The following TMEM94 variants were observed in gnomAD, a reference collection of about 807,000 sequenced individuals.
TMEM94 encodes transmembrane protein 94, also known as ER Mg2+ ATPase.
A neutral mutation model predicts 158.6 loss-of-function variants in TMEM94; 81 were observed. That is an observed-to-expected ratio of 0.51 (90% CI 0.43 to 0.61). The LOEUF is 0.61. Among genes scored for constraint, TMEM94 ranks in the 20% least tolerant of loss-of-function variants. The pLI is 0.00. For missense variants in TMEM94, 1,435 were observed against 1,762.0 expected (o/e 0.81, Z 3.32); for synonymous variants, 751 against 730.7 (o/e 1.03, Z -0.45).
Position 75,490,725 on chromosome 17 carries a change from T to G in TMEM94, c.1095T>G (p.Thr365=). ...SSLLAKFSED[T]LSSYTEAVSS... ...AGCTGGCTAAGTTCTCAGAGGATAC[T>G]CTCAGCAGCTATACGGAGGCTGTCT... The change falls in exon 11 of 32, where the codon ACT becomes ACG. Residue 365 remains threonine (T), a synonymous_variant. Transcript: ENST00000314256. 1 of 1,614,136 alleles carries G rather than the reference T, an allele frequency of 6.2e-7. No individual in the cohort carries two copies. Among genetic ancestry groups the G allele is most frequent in the South Asian group, 1.1e-5 (1 of 91,082 alleles).
chr17:75,485,622 C>T lies in TMEM94; in HGVS notation c.144+75C>T. The T allele has an allele frequency of 3.2e-6, 5 of 1,585,208 alleles. No homozygotes were observed. Among genetic ancestry groups the T allele is most frequent in the South Asian group, 2.2e-5 (2 of 89,126 alleles). ...GTGTGGGAGGCCCCTTCTCAGGACT[C>T]TGATGTACCCTGTCACCCTGGACAG... On this transcript the variant is annotated intron_variant, in intron 3 of 31. Coordinates refer to ENST00000314256, the MANE Select transcript of TMEM94 (RefSeq NM_014738.6). This position sits in a 1 kb window ranked among gnomAD's most constrained non-coding sequence, Gnocchi z 5.5.
chr17:75,498,024 C>A lies in TMEM94; in HGVS notation c.3490-151C>A. On this transcript the variant is annotated intron_variant, in intron 27 of 31. Transcript: ENST00000314256. This position sits in a 1 kb window ranked among gnomAD's most constrained non-coding sequence, Gnocchi z 6.7. ...CCCCAGATCAAAGAGGAGGTAGTGGCACAGAGCTGGGAAAGACCCTTGCTG... is the reference window on the plus strand; with the variant it reads ...CCCCAGATCAAAGAGGAGGTAGTGGAACAGAGCTGGGAAAGACCCTTGCTG... 8.4e-7 allele frequency: 1 copy of A among 1,190,836 alleles called. No individual in the cohort carries two copies. Among genetic ancestry groups the A allele is most frequent in the Non-Finnish European group, 1.2e-6 (1 of 838,972 alleles). The allele number at this position is 1,190,836 out of a possible 1,614,324, so 73.8% of individuals were successfully genotyped here.
intron 1 of TMEM94, among the ~76,000 whole-genome samples, chr17:75,463,140 A>ATATATG (rs1567905169): frequency 3.3e-4 from 22 of 66,450 alleles, no homozygotes; most frequent in African/African-American, 2.5e-3. Context: ...GTATATATGT[A>ATATATG]TATATATACA....
intron 1 of TMEM94, among the ~76,000 whole-genome samples, chr17:75,462,752 G>A (rs985291127): frequency 1.5e-4 from 22 of 149,226 alleles, no homozygotes; most frequent in Non-Finnish European, 2.7e-4. Context: ...CACTTTGGGA[G>A]GCTGAGGTGG....
chr17:75,498,240 C>A lies in TMEM94; in HGVS notation c.3555C>A (p.Ile1185=). Residue 1185 remains isoleucine (I), a synonymous_variant, in exon 28 of 32, where the codon ATC becomes ATA. Coordinates refer to ENST00000314256, the MANE Select transcript of TMEM94 (RefSeq NM_014738.6). The surrounding 1 kb of genome is among the most constrained non-coding windows in gnomAD (Gnocchi z 6.7). ...GCCTCACCATCAGCTCCTGCCTCAT[C>A]TGCTTTGGCTTCACACTGCAGAGCT... ...KFSLTISSCL[I]CFGFTLQSFC... 1 of 1,613,918 alleles carries A rather than the reference C, an allele frequency of 6.2e-7. No individual in the cohort carries two copies. The highest frequency in any genetic ancestry group is 8.5e-7 in the Non-Finnish European group (1 of 1,180,026).
At chr17:75,462,514 G>A (rs1400279494) in intron 1 of TMEM94, among the ~76,000 whole-genome samples, 1 of 151,316 alleles carries the variant, frequency 6.6e-6, no homozygotes. Flanking sequence ...GGAGCTCATT[G>A]CTTCACAGGG....
At position 75,489,415 on chromosome 17, in the gene TMEM94, G is replaced by T. The variant is rs186033612; in HGVS notation, c.867+47G>T. On this transcript the variant is annotated intron_variant, in intron 8 of 31. Coordinates refer to ENST00000314256, the MANE Select transcript of TMEM94 (RefSeq NM_014738.6). This position sits in a 1 kb window ranked among gnomAD's most constrained non-coding sequence, Gnocchi z 5.0. ...GGGGCTGCATGGGGCAGAGGAGAGG[G>T]CTGGACACGGGGGGGTCTCAGGGCC... The T allele has an allele frequency of 5.7e-4, 894 of 1,580,886 alleles. 9 individuals carry two copies. The African/African-American group carries it at 0.011, about 19-fold the overall frequency.
intron 1 of TMEM94, among the ~76,000 whole-genome samples, chr17:75,458,597 C>T (rs901695195): frequency 6.7e-6 from 1 of 149,300 alleles, no homozygotes; most frequent in Admixed American, 6.7e-5. Context: ...AGGTGGATGC[C>T]AGAGGATCGC....
Position 75,493,703 on chromosome 17 carries a change from A to T in TMEM94, c.2194A>T (p.Lys732Ter), listed in dbSNP as rs779257205. 1.4e-5 allele frequency: 22 copies of T among 1,613,870 alleles called. No individual in the cohort carries two copies. Among genetic ancestry groups the T allele is most frequent in the South Asian group, 5.5e-5 (5 of 91,090 alleles). Reference sequence around the variant, plus strand: ...CTCCGCCTGCTTCCCTGGCAGAAAGAAAGTGCTGGACTTCTACCAGCGAGC... The same window carrying T: ...CTCCGCCTGCTTCCCTGGCAGAAAGTAAGTGCTGGACTTCTACCAGCGAGC... ...IYPLSGSDRKKVLDFYQRACL... is the reference protein window; with the variant it reads ...IYPLSGSDRK The change falls in exon 18 of 32, where the codon AAA (lysine) becomes TAA (stop). Residue 732 changes from lysine to a stop codon, truncating the protein, a stop_gained. Coordinates refer to ENST00000314256, the MANE Select transcript of TMEM94 (RefSeq NM_014738.6). LOFTEE classifies it high-confidence loss of function.
chr17:75,497,658 GT>G, intron 26 of TMEM94, 122 bp from the exon 27 acceptor site: 2 of 728,308 alleles, frequency 2.7e-6, no homozygotes, highest in South Asian at 3.3e-5. Context: ...TCCAGCCTTT[GT>G]TTTATTCCAT....
At chr17:75,473,332 C>T (rs1340170443) in intron 2 of TMEM94, among the ~76,000 whole-genome samples, 1 of 152,204 alleles carries the variant, frequency 6.6e-6, no homozygotes, top group African/African-American at 2.4e-5. Context: ...AGAGGGAAAG[C>T]TACACTTGCC....
chr17:75,482,274 A>C (rs2051220694), intron 2 of TMEM94, among the ~76,000 whole-genome samples: 1 of 151,806 alleles, frequency 6.6e-6, no homozygotes, highest in Non-Finnish European at 1.5e-5. Flanking sequence ...TGAACCCAGG[A>C]GGCAGAAGTT....
At position 75,499,277 on chromosome 17, in the gene TMEM94, C is replaced by T. The variant is rs1048494771; in HGVS notation, c.4014C>T (p.Tyr1338=). 2 of 1,613,702 alleles carry T rather than the reference C, an allele frequency of 1.2e-6. No homozygotes were observed. The highest frequency in any genetic ancestry group is 1.7e-6 in the Non-Finnish European group (2 of 1,179,972). ...GCCCCACCAGGGTCCGAGTCCGCTA[C>T]CAGAAGCGACAGAAGCTGCAGTTTG... The part of the protein sequence containing the change: ...KLHEIRVRVR[Y]QKRQKLQFET... Residue 1338 remains tyrosine (Y), a synonymous_variant, in exon 32 of 32, where the codon TAC becomes TAT. Transcript: ENST00000314256.
In TMEM94 at chr17:75,495,044, A is replaced by G; in HGVS notation, c.2728+10A>G. On this transcript the variant is annotated intron_variant, in intron 20 of 31. Coordinates refer to ENST00000314256, the MANE Select transcript of TMEM94 (RefSeq NM_014738.6). The surrounding 1 kb of genome is among the most constrained non-coding windows in gnomAD (Gnocchi z 5.6). ...GATGACCTGAATCAGGGTAAGGGCA[A>G]AGGCGTGGGGTGGGGACGGGGTGGC... 1 of 1,612,266 alleles carries G rather than the reference A, an allele frequency of 6.2e-7. No homozygotes were observed. Among genetic ancestry groups the G allele is most frequent in the South Asian group, 1.1e-5 (1 of 90,986 alleles).
intron 2 of TMEM94, among the ~76,000 whole-genome samples, chr17:75,472,570 T>A (rs2050539828): frequency 6.6e-6 from 1 of 152,202 alleles, no homozygotes; most frequent in South Asian, 2.1e-4. Context: ...TTTTCTGTAA[T>A]CCCAGCTACT....
At chr17:75,462,479 T>C (rs2050111549) in intron 1 of TMEM94, among the ~76,000 whole-genome samples, 1 of 151,744 alleles carries the variant, frequency 6.6e-6, no homozygotes. Flanking sequence ...ATTTCTCAGC[T>C]TCTGCTTGGT....
chr17:75,459,652 G>T (rs1012514749), intron 1 of TMEM94: 7 of 152,252 alleles, frequency 4.6e-5, no homozygotes, highest in South Asian at 4.1e-4. Context: ...TATGTATTTA[G>T]CTTAATCTGA....
intron 26 of TMEM94, 145 bp from the exon 27 acceptor site, chr17:75,497,636 G>A (rs963974008): frequency 3.1e-6 from 2 of 641,312 alleles, no homozygotes; most frequent in Non-Finnish European, 5.6e-6. Context: ...TTACAGGTGT[G>A]AGCCACTGCC....
chr17:75,465,679 A>ATATATATATATATATATATATATTT (rs1247855961), intron 1 of TMEM94, among the ~76,000 whole-genome samples: 1 of 124,842 alleles, frequency 8.0e-6, no homozygotes, highest in African/African-American at 3.5e-5. Flanking sequence ...ATATATATAT[A>ATATATATATATATATATATATATTT]TTTTTTTTTA....
Sources: allele counts gnomAD v4.1 joint callset (sites outside exome capture counted in the v4.1 genomes callset), GRCh38; gene constraint gnomAD v4.1.1; non-coding constraint Gnocchi (gnomAD v3.1); transcripts MANE v1.5; gene names NCBI Gene and HGNC (gene_info 2026-07-23, HGNC 2026-07-21).